Variants in CADPS observed in about 807,000 individuals in gnomAD.
CADPS encodes the protein calcium-dependent secretion activator 1.
CADPS carries 57 observed loss-of-function variants against 167.3 expected under a neutral mutation model. That is an observed-to-expected ratio of 0.34 (90% CI 0.28 to 0.42). The LOEUF (loss-of-function observed/expected upper bound fraction) is 0.42. Among genes scored for constraint, CADPS ranks in the 20% least tolerant of loss-of-function variants. CADPS has a pLI of 1.00. For synonymous variants in CADPS, 676 were observed against 635.3 expected, an observed-to-expected ratio of 1.06 and a Z score of -0.96; for missense variants, 1,414 against 1,738.1, an observed-to-expected ratio of 0.81 and a Z score of 3.32.
intron 24 of CADPS, among the ~76,000 whole-genome samples, chr3:62,472,351 A>G (rs1355889800): frequency 1.3e-5 from 2 of 152,224 alleles, no homozygotes; most frequent in Non-Finnish European, 2.9e-5. Context: ...GGGTATGTGA[A>G]TTATATCTCA....
At chr3:62,643,879 C>T (rs963715720) in intron 6 of CADPS, among the ~76,000 whole-genome samples, 5 of 152,144 alleles carry the variant, frequency 3.3e-5, no homozygotes, top group African/African-American at 1.2e-4. Context: ...GGAAAACGAT[C>T]AGACCATTTG....
intron 1 of CADPS, among the ~76,000 whole-genome samples, chr3:62,839,362 T>C (rs1262186954): frequency 1.3e-5 from 2 of 152,096 alleles, no homozygotes; most frequent in Non-Finnish European, 2.9e-5. Context: ...GGCTATTTTT[T>C]GTATTTTTAG....
At chr3:62,510,191 C>CATCCATCTATCTATCTATCT (rs1553853780) in intron 17 of CADPS, among the ~76,000 whole-genome samples, 8 of 148,384 alleles carry the variant, frequency 5.4e-5, no homozygotes, top group South Asian at 2.2e-4. Flanking sequence ...CCTATTTCTG[C>CATCCATCTATCTATCTATCT]ATCTATCTAT....
intron 27 of CADPS, 51 bp downstream of exon 27, chr3:62,445,714 A>AG: frequency 8.3e-7 from 1 of 1,209,262 alleles, no homozygotes. Context: ...GTAAAAATGA[A>AG]AAAAAAAAAA....
intron 1 of CADPS, among the ~76,000 whole-genome samples, chr3:62,829,857 G>T (rs1381243086): frequency 6.6e-6 from 1 of 152,170 alleles, no homozygotes. Context: ...GGAGACAAGA[G>T]AAGTCAGAGG....
chr3:62,817,410 C>A (rs186326338), intron 1 of CADPS, among the ~76,000 whole-genome samples: 228 of 152,252 alleles, frequency 1.5e-3, no homozygotes, highest in South Asian at 6.2e-3. Flanking sequence ...ATATGAGATA[C>A]AATCTACATG....
chr3:62,466,486 C>A (rs1560761538), intron 24 of CADPS, 73 bp from the exon 25 acceptor site: 9 of 944,042 alleles, frequency 9.5e-6, no homozygotes, highest in Non-Finnish European at 1.5e-5. Flanking sequence ...AATTTTTAGA[C>A]AACTTAATTT....
chr3:62,548,588 C>T, intron 11 of CADPS, among the ~76,000 whole-genome samples: 1 of 152,202 alleles, frequency 6.6e-6, no homozygotes, highest in East Asian at 1.9e-4. Context: ...CAGAAATGGA[C>T]ATGGCAGTAG....
chr3:62,554,798 G>C (rs1327748082), intron 10 of CADPS, among the ~76,000 whole-genome samples: 1 of 152,168 alleles, frequency 6.6e-6, no homozygotes, highest in African/African-American at 2.4e-5. Context: ...TGTTGCCCAG[G>C]CTGGAGTGCA....
chr3:62,540,838 A>AT (rs1478290016), intron 11 of CADPS, among the ~76,000 whole-genome samples: 7 of 152,008 alleles, frequency 4.6e-5, no homozygotes, highest in Admixed American at 2.6e-4. Flanking sequence ...TTGCAACTCC[A>AT]TTTTTTCCCT....
chr3:62,873,340 C>T (rs2082974933), intron 1 of CADPS, among the ~76,000 whole-genome samples: 1 of 152,248 alleles, frequency 6.6e-6, no homozygotes, highest in Admixed American at 6.5e-5. Context: ...ATGGCAGCAA[C>T]TGAAAGATTC....
At chr3:62,442,215 CTT>C (rs61098701) in intron 27 of CADPS, among the ~76,000 whole-genome samples, 15 of 141,270 alleles carry the variant, frequency 1.1e-4, no homozygotes, top group African/African-American at 3.2e-4. Context: ...TAAACTGACT[CTT>C]TTTTTTTTTT....
intron 21 of CADPS, among the ~76,000 whole-genome samples, chr3:62,483,009 G>T (rs1487277374): frequency 6.6e-6 from 1 of 151,954 alleles, no homozygotes; most frequent in Non-Finnish European, 1.5e-5. Context: ...TGGAAGGACG[G>T]TGTCATACAC....
intron 3 of CADPS, among the ~76,000 whole-genome samples, chr3:62,731,469 G>C (rs1051180259): frequency 1.3e-5 from 2 of 152,066 alleles, no homozygotes; most frequent in African/African-American, 4.8e-5. Context: ...TCCAAACTGA[G>C]GTAGTCCACA....
intron 2 of CADPS, among the ~76,000 whole-genome samples, chr3:62,756,684 C>G (rs527929503): frequency 1.1e-4 from 17 of 152,300 alleles, no homozygotes; most frequent in African/African-American, 4.1e-4. Flanking sequence ...GTCAAGAAAG[C>G]CTTCCTGAAA....
intron 1 of CADPS, among the ~76,000 whole-genome samples, chr3:62,811,846 AG>A (rs1267184264): frequency 6.6e-6 from 1 of 152,210 alleles, no homozygotes; most frequent in Non-Finnish European, 1.5e-5. Context: ...AACAACAAAA[AG>A]GACATTATGT....
At chr3:62,856,936 G>C (rs926507860) in intron 1 of CADPS, among the ~76,000 whole-genome samples, 1 of 151,578 alleles carries the variant, frequency 6.6e-6, no homozygotes, top group Non-Finnish European at 1.5e-5. Context: ...GATAGAGAAG[G>C]TCTTTCATTG....
At chr3:62,756,749 A>G (rs922362320) in intron 2 of CADPS, among the ~76,000 whole-genome samples, 1 of 152,150 alleles carries the variant, frequency 6.6e-6, no homozygotes, top group Non-Finnish European at 1.5e-5. Context: ...GAGAGCTGTA[A>G]TTTATTTTAG....
At chr3:62,530,069 A>G (rs932777792) in intron 13 of CADPS, among the ~76,000 whole-genome samples, 1 of 152,326 alleles carries the variant, frequency 6.6e-6, no homozygotes, top group African/African-American at 2.4e-5. Context: ...TTTAGAAGTT[A>G]AAAGTGCCTT....
Sources: gnomAD v4.1 joint callset for allele counts (sites outside exome capture counted in the v4.1 genomes callset) on GRCh38, gnomAD v4.1.1 for gene constraint, MANE v1.5 for transcripts, NCBI Gene and HGNC (gene_info 2026-07-23, HGNC 2026-07-21) for gene names.